The following SBF2 variants were observed in gnomAD, a reference collection of about 807,000 sequenced individuals.
SBF2 encodes SET binding factor 2.
Under a neutral mutation model 225.2 loss-of-function variants are expected in SBF2, and 112 were observed. That is an observed-to-expected ratio of 0.50 (90% CI 0.43 to 0.58). The LOEUF (loss-of-function observed/expected upper bound fraction) is 0.58. SBF2 is among the 20% of genes least tolerant of loss of function. The pLI is 0.00. For synonymous variants in SBF2, 763 were observed against 773.3 expected, an observed-to-expected ratio of 0.99 and a Z score of 0.22; for missense variants, 1,996 against 2,206.2, an observed-to-expected ratio of 0.90 and a Z score of 1.91.
intron 2 of SBF2, among the ~76,000 whole-genome samples, chr11:10,111,045 A>C (rs1199835079): frequency 2.0e-5 from 3 of 152,206 alleles, no homozygotes; most frequent in Non-Finnish European, 2.9e-5. Context: ...TGCAAATTAC[A>C]GGAGTATAAA....
At chr11:10,039,907 C>A (rs1266831964) in intron 3 of SBF2, among the ~76,000 whole-genome samples, 2 of 151,692 alleles carry the variant, frequency 1.3e-5, no homozygotes, top group Non-Finnish European at 2.9e-5. Flanking sequence ...ATAATAAAAA[C>A]CATTAATGAT....
chr11:9,815,516 G>T (rs1854412550), intron 29 of SBF2, among the ~76,000 whole-genome samples: 1 of 151,768 alleles, frequency 6.6e-6, no homozygotes, highest in Non-Finnish European at 1.5e-5. Context: ...AGAAAAAGAG[G>T]GCAGGAGGAA....
intron 17 of SBF2, among the ~76,000 whole-genome samples, chr11:9,872,700 T>C (rs1858879003): frequency 6.6e-6 from 1 of 151,914 alleles, no homozygotes; most frequent in Non-Finnish European, 1.5e-5. Flanking sequence ...GAAAAGAATA[T>C]AAAATGGCAG....
At chr11:9,829,764 C>T in intron 27 of SBF2, 1 of 425,220 alleles carries the variant, frequency 2.4e-6, no homozygotes, top group Non-Finnish European at 4.4e-6. Context: ...AAAACCAGCA[C>T]AGGGCTACCC....
rs12576244 is a variant in SBF2 at position 10,232,048 on chromosome 11, G to A, written c.56-38061C>T. Among the ~76,000 whole-genome samples, 13 of 152,336 alleles carry A rather than the reference G, an allele frequency of 8.5e-5. No individual in the cohort carries two copies. In the East Asian group the frequency reaches 2.5e-3, roughly 29 times the overall value. On this transcript the variant is annotated intron_variant, in intron 1 of 39. Coordinates refer to ENST00000256190, the MANE Select transcript of SBF2 (RefSeq NM_030962.4). Reference sequence around the variant, plus strand: ...CAGCCTCACTGCCGCCTTGCAGTTTGATCTCAGACTGCTGTGCTAGCAATG... The same window carrying A: ...CAGCCTCACTGCCGCCTTGCAGTTTAATCTCAGACTGCTGTGCTAGCAATG...
rs201577494 is a variant in SBF2 at position 10,090,764 on chromosome 11, C to CAAAAAAAAAAAAAA, written c.142-47797_142-47784dup. Among the ~76,000 whole-genome samples the CAAAAAAAAAAAAAA allele has an allele frequency of 1.3e-3, 59 of 44,410 alleles. 1 individual carries two copies. Among genetic ancestry groups the CAAAAAAAAAAAAAA allele is most frequent in the Non-Finnish European group, 1.8e-3 (42 of 22,832 alleles). The allele number at this position is 44,410 out of a possible 152,430, so 29.1% of individuals were successfully genotyped here. A position where few individuals can be genotyped will look rare whatever the true frequency, so the allele number is the denominator to read the frequency against. ...TGGGAGTCAGAGCAAGATTCCATCT[C>CAAAAAAAAAAAAAA]AAAAAAAAAAAAAAAAAAAAAGCTA... is the stretch of plus-strand genomic sequence containing the variant. On this transcript the variant is annotated intron_variant, in intron 2 of 39. Transcript: ENST00000256190.
chr11:9,855,631 C>T (rs1234177608), intron 19 of SBF2, among the ~76,000 whole-genome samples: 1 of 152,052 alleles, frequency 6.6e-6, no homozygotes, highest in Admixed American at 6.6e-5. Flanking sequence ...ACTAGGAATA[C>T]AGCAATGAAC....
chr11:10,134,618 G>C (rs554496414), intron 2 of SBF2, among the ~76,000 whole-genome samples: 1 of 152,102 alleles, frequency 6.6e-6, no homozygotes, highest in Non-Finnish European at 1.5e-5. Flanking sequence ...CAAAACAAAG[G>C]GGTTACAGGC....
chr11:9,890,102 G>A lies in SBF2; in HGVS notation c.1929+5841C>T, dbSNP rs1207840896. 5.9e-5 allele frequency among the ~76,000 whole-genome samples: 9 copies of A among 151,968 alleles called. No individual in the cohort carries two copies. The East Asian group carries it at 7.7e-4, about 13-fold the overall frequency. Reference sequence around the variant, plus strand: ...TATTTTTAGTAGAGATGGAGGTTTCGCTATGTTGGCCAGGCTGGACTTGAA... The same window carrying A: ...TATTTTTAGTAGAGATGGAGGTTTCACTATGTTGGCCAGGCTGGACTTGAA... On this transcript the variant is annotated intron_variant, in intron 17 of 39. Transcript: ENST00000256190.
At chr11:10,155,049 T>C (rs1955400970) in intron 2 of SBF2, among the ~76,000 whole-genome samples, 1 of 152,076 alleles carries the variant, frequency 6.6e-6, no homozygotes, top group South Asian at 2.1e-4. Flanking sequence ...ATGCTCTCTA[T>C]CTTCTGTTTT....
rs530174444 is a variant in SBF2 at position 10,220,010 on chromosome 11, CT to C, written c.56-26024del. Reference sequence around the variant, plus strand: ...TTAAGTATCTTTACAGAGTGCCCCCCTACCTCAGTATCAATTTACTGTTTTA... The same window carrying C: ...TTAAGTATCTTTACAGAGTGCCCCCCACCTCAGTATCAATTTACTGTTTTA... On this transcript the variant is annotated intron_variant, in intron 1 of 39. Transcript: ENST00000256190. 3.1e-3 allele frequency among the ~76,000 whole-genome samples: 471 copies of C among 152,284 alleles called. 4 individuals are homozygous for C. The highest frequency in any genetic ancestry group is 5.2e-3 in the Non-Finnish European group (355 of 68,010).
At chr11:10,219,116 CT>C (rs1958244950) in intron 1 of SBF2, among the ~76,000 whole-genome samples, 1 of 152,202 alleles carries the variant, frequency 6.6e-6, no homozygotes, top group African/African-American at 2.4e-5. Flanking sequence ...GTGCACTGCC[CT>C]AACAGAGGTT....
chr11:9,937,743 T>A (rs1456760357), intron 16 of SBF2, among the ~76,000 whole-genome samples: 2 of 152,112 alleles, frequency 1.3e-5, no homozygotes, highest in South Asian at 4.1e-4. Context: ...AAACTGAAAT[T>A]AATAAGAGAA....
rs563787015 is a variant in SBF2 at position 10,133,102 on chromosome 11, C to T, written c.141+60800G>A. Among the ~76,000 whole-genome samples, 30 of 146,548 alleles carry T rather than the reference C, an allele frequency of 2.0e-4. 1 individual carries two copies. Among genetic ancestry groups the T allele is most frequent in the East Asian group, 2.3e-4 (1 of 4,416 alleles). On this transcript the variant is annotated intron_variant, in intron 2 of 39. Transcript: ENST00000256190. Reference sequence around the variant, plus strand: ...AAGGTTCTCCACTTCCTCACCAGAGCAGCTAGATACAGAGTGTCGATTGGT... The same window carrying T: ...AAGGTTCTCCACTTCCTCACCAGAGTAGCTAGATACAGAGTGTCGATTGGT...
At chr11:10,244,658 A>G (rs1055055017) in intron 1 of SBF2, among the ~76,000 whole-genome samples, 1 of 152,186 alleles carries the variant, frequency 6.6e-6, no homozygotes, top group Non-Finnish European at 1.5e-5. Flanking sequence ...AAAAATGCCA[A>G]TGGGATTTTG....
At chr11:10,046,303 C>A (rs749294923) in intron 2 of SBF2, among the ~76,000 whole-genome samples, 1 of 152,026 alleles carries the variant, frequency 6.6e-6, no homozygotes, top group Non-Finnish European at 1.5e-5. Context: ...ATACTAATAC[C>A]AAAACCAGAT....
intron 2 of SBF2, among the ~76,000 whole-genome samples, chr11:10,183,889 T>C (rs1046318402): frequency 4.6e-5 from 7 of 152,206 alleles, no homozygotes; most frequent in African/African-American, 1.4e-4. Context: ...CACAGAGTCA[T>C]AGCTAAATGG....
intron 32 of SBF2, among the ~76,000 whole-genome samples, chr11:9,804,852 A>G (rs1409590702): frequency 3.9e-5 from 6 of 152,124 alleles, no homozygotes; most frequent in Non-Finnish European, 8.8e-5. Context: ...CGGTTGATGG[A>G]CATTTGGTTT....
intron 2 of SBF2, among the ~76,000 whole-genome samples, chr11:10,070,854 T>C (rs987939905): frequency 3.3e-5 from 5 of 151,898 alleles, no homozygotes; most frequent in African/African-American, 1.2e-4. Flanking sequence ...GGTTTGTAGT[T>C]CTCCCTGAAG....
Sources: allele counts gnomAD v4.1 joint callset (sites outside exome capture counted in the v4.1 genomes callset), GRCh38; gene constraint gnomAD v4.1.1; transcripts MANE v1.5; gene names NCBI Gene and HGNC (gene_info 2026-07-23, HGNC 2026-07-21).